PACRG: variants seen among roughly 807,000 people sequenced by gnomAD.
The protein encoded by PACRG is parkin coregulated gene protein.
In PACRG, 29 loss-of-function variants were observed where a neutral mutation model predicts 29.7. The ratio of observed to expected loss-of-function variants is 0.98; its 90% CI spans 0.73 to 1.33. PACRG has a LOEUF of 1.33. PACRG is among the 40% of genes most tolerant of loss of function. PACRG has a pLI of 0.00. For missense variants in PACRG, 279 were observed against 316.2 expected (o/e 0.88, Z 0.89); for synonymous variants, 116 against 118.7 (o/e 0.98, Z 0.15).
chr6:162,797,073 T>C lies in PACRG; in HGVS notation c.157-17074T>C, dbSNP rs142757058. On this transcript the variant is annotated intron_variant, in intron 1 of 4. Transcript: ENST00000366888. ...AGGCAGATCAACTGAGGTCAGGAGT[T>C]CGAGACCAGACTGGCCAACATGGCG... Among the ~76,000 whole-genome samples the C allele has an allele frequency of 1.8e-3, 271 of 152,314 alleles. 11 individuals are homozygous for C. In the East Asian group the frequency reaches 0.048, roughly 27 times the overall value.
intron 2 of PACRG, among the ~76,000 whole-genome samples, chr6:162,974,424 A>T (rs1488865468): frequency 1.3e-5 from 2 of 152,206 alleles, no homozygotes; most frequent in East Asian, 3.9e-4. Flanking sequence ...GAAAGTTAAC[A>T]TTACTGTCAT....
intron 1 of PACRG, among the ~76,000 whole-genome samples, chr6:162,778,388 A>G (rs995880335): frequency 1.3e-5 from 2 of 152,160 alleles, no homozygotes; most frequent in Non-Finnish European, 2.9e-5. Context: ...TTGTTTTTAT[A>G]TGGTTTGTTT....
At chr6:163,180,919 C>A (rs986765641) in intron 4 of PACRG, among the ~76,000 whole-genome samples, 3 of 152,200 alleles carry the variant, frequency 2.0e-5, no homozygotes, top group Non-Finnish European at 2.9e-5. Context: ...ATTCTCATTT[C>A]ATGTATTTGA....
intron 2 of PACRG, among the ~76,000 whole-genome samples, chr6:162,857,105 AAG>A (rs1791461588): frequency 1.3e-5 from 2 of 152,070 alleles, no homozygotes; most frequent in Admixed American, 1.3e-4. Flanking sequence ...GGGGTGGGTA[AAG>A]AGGGGAGAAA....
At chr6:163,312,549 A>G (rs1249068403) in intron 4 of PACRG, among the ~76,000 whole-genome samples, 1 of 152,136 alleles carries the variant, frequency 6.6e-6, no homozygotes, top group Non-Finnish European at 1.5e-5. Context: ...TCCCCCGTGC[A>G]GCCATTCCTG....
At chr6:162,982,358 G>A (rs1028292172) in intron 2 of PACRG, among the ~76,000 whole-genome samples, 6 of 151,638 alleles carry the variant, frequency 4.0e-5, no homozygotes, top group African/African-American at 1.5e-4. Context: ...TTTGGTTTTT[G>A]TGTTTGTTTC....
chr6:162,834,155 T>A (rs1789018608), intron 2 of PACRG, among the ~76,000 whole-genome samples: 1 of 152,158 alleles, frequency 6.6e-6, no homozygotes, highest in African/African-American at 2.4e-5. Context: ...TTATTGGCAA[T>A]ATGGCCTCCA....
At chr6:163,111,105 C>A (rs576888512) in intron 4 of PACRG, among the ~76,000 whole-genome samples, 5 of 152,184 alleles carry the variant, frequency 3.3e-5, no homozygotes, top group Non-Finnish European at 5.9e-5. Flanking sequence ...ATTCCTATTT[C>A]TTCTCACCAC....
At chr6:163,166,100 C>T (rs1057233956) in intron 4 of PACRG, 3 of 456,152 alleles carry the variant, frequency 6.6e-6, no homozygotes, top group African/African-American at 6.0e-5. Flanking sequence ...AGCTCCAATT[C>T]CTCGGCTGCA....
chr6:162,988,385 G>C (rs76869640), intron 2 of PACRG, among the ~76,000 whole-genome samples: 2,147 of 152,268 alleles, frequency 0.014, 51 homozygotes, highest in African/African-American at 0.049. Flanking sequence ...AAGCTGGGAC[G>C]CTTGAGTTGA....
chr6:162,755,132 G>A (rs62429157), intron 1 of PACRG, among the ~76,000 whole-genome samples: 11,684 of 151,966 alleles, frequency 0.077, 689 homozygotes, highest in Admixed American at 0.2. Context: ...AGTATCATTC[G>A]TGATGTCTCC....
chr6:163,305,888 G>A (rs915058493), intron 4 of PACRG, among the ~76,000 whole-genome samples: 33 of 152,222 alleles, frequency 2.2e-4, no homozygotes, highest in African/African-American at 7.9e-4. Context: ...CTGATGATAC[G>A]GGGCTAAAGT....
intron 4 of PACRG, among the ~76,000 whole-genome samples, chr6:163,277,483 G>GTATATATATA (rs112325843): frequency 1.6e-3 from 231 of 142,160 alleles, no homozygotes; most frequent in African/African-American, 5.3e-3. Flanking sequence ...GTGTATGTGT[G>GTATATATATA]TATATATATA....
chr6:163,190,368 C>T (rs573597706), intron 4 of PACRG: 5 of 152,274 alleles, frequency 3.3e-5, no homozygotes, highest in Admixed American at 2.0e-4. Context: ...CCTTGAGCAA[C>T]GTTGGAATAT....
At chr6:162,735,964 GCATCAATTTTGT>G (rs1234941740) in intron 1 of PACRG, among the ~76,000 whole-genome samples, 3 of 152,156 alleles carry the variant, frequency 2.0e-5, no homozygotes, top group Non-Finnish European at 4.4e-5. Context: ...AAGAAAAGAA[GCATCAATTTTGT>G]CATTCATAAG....
At chr6:162,982,904 T>C (rs1317971589) in intron 2 of PACRG, among the ~76,000 whole-genome samples, 2 of 152,124 alleles carry the variant, frequency 1.3e-5, no homozygotes, top group Non-Finnish European at 1.5e-5. Context: ...CAGTGGAGTA[T>C]TGAAGTCTCC....
chr6:163,049,865 C>T (rs549825380), intron 2 of PACRG, among the ~76,000 whole-genome samples: 9 of 152,046 alleles, frequency 5.9e-5, no homozygotes, highest in South Asian at 2.1e-4. Flanking sequence ...CTGTGAAGCA[C>T]GACTTGGCAA....
chr6:163,070,134 A>T (rs1040316371), intron 3 of PACRG, among the ~76,000 whole-genome samples: 4 of 152,176 alleles, frequency 2.6e-5, no homozygotes, highest in African/African-American at 9.6e-5. Flanking sequence ...TTTCATCAAC[A>T]CAAGACCTGT....
intron 4 of PACRG, among the ~76,000 whole-genome samples, chr6:163,255,436 C>T (rs1240338704): frequency 6.6e-6 from 1 of 152,070 alleles, no homozygotes; most frequent in Non-Finnish European, 1.5e-5. Context: ...GGCAACTGGA[C>T]ACCATCCTGC....
Sources: gnomAD v4.1 joint callset for allele counts (sites outside exome capture counted in the v4.1 genomes callset) on GRCh38, gnomAD v4.1.1 for gene constraint, MANE v1.5 for transcripts, NCBI Gene and HGNC (gene_info 2026-07-23, HGNC 2026-07-21) for gene names.